Variants in SNX24 observed in about 807,000 individuals in gnomAD.
SNX24 encodes sorting nexin 24.
A neutral mutation model predicts 28.7 loss-of-function variants in SNX24; 22 were observed. The ratio of observed to expected loss-of-function variants is 0.77; its 90% CI spans 0.55 to 1.10. SNX24 has a LOEUF of 1.10. Ranked by LOEUF, SNX24 falls within the 50% of genes least tolerant of loss-of-function variation. The pLI is 0.00. For missense variants in SNX24, 221 were observed against 201.1 expected (o/e 1.10, Z -0.60); for synonymous variants, 69 against 71.5 (o/e 0.96, Z 0.18).
At position 123,029,291 on chromosome 5, in the gene SNX24, A is replaced by G. The variant is rs368477772; in HGVS notation, n.437A>G. The G allele has an allele frequency of 3.3e-4, 529 of 1,614,008 alleles. 1 individual carries two copies. Among genetic ancestry groups the G allele is most frequent in the Non-Finnish European group, 4.3e-4 (507 of 1,179,998 alleles). ...AAGAAGACCCAATTTAAAGGAAATA[A>G]AATTGAGACATACCTCTCCTGTTGC... On this transcript the variant is annotated non_coding_transcript_exon_variant, in exon 6 of 6. Transcript: ENST00000502387.
Position 122,996,956 on chromosome 5 carries a change from G to A in SNX24, c.250-2956G>A, listed in dbSNP as rs531733050. On this transcript the variant is annotated intron_variant, in intron 3 of 6. Transcript: ENST00000261369. ...CAGGGTACAGCTTCAAGAAGGGGTG[G>A]TTCCTTCAGAGCAAAAGCCTTTCAA... Among the ~76,000 whole-genome samples the A allele has an allele frequency of 6.6e-5, 10 of 152,268 alleles. No individual in the cohort carries two copies. In the South Asian group the frequency reaches 2.1e-3, roughly 32 times the overall value.
At chr5:122,922,678 G>A (rs1758490097) in intron 1 of SNX24, among the ~76,000 whole-genome samples, 1 of 152,098 alleles carries the variant, frequency 6.6e-6, no homozygotes, top group Non-Finnish European at 1.5e-5. Context: ...TCTCTGAGCA[G>A]TTTATTGAAA....
At chr5:123,005,973 GT>G (rs545404913) in intron 6 of SNX24, among the ~76,000 whole-genome samples, 30 of 152,298 alleles carry the variant, frequency 2.0e-4, no homozygotes, top group African/African-American at 7.0e-4. Context: ...CTAAGATATA[GT>G]TTGTGTGTTC....
intron 3 of SNX24, among the ~76,000 whole-genome samples, chr5:122,966,562 T>C (rs545661268): frequency 3.3e-5 from 5 of 152,354 alleles, no homozygotes; most frequent in Admixed American, 2.0e-4. Context: ...TGTTAGGCTG[T>C]AATTGACCCC....
intron 2 of SNX24, among the ~76,000 whole-genome samples, chr5:122,940,119 G>C (rs997134046): frequency 1.1e-4 from 16 of 151,554 alleles, no homozygotes; most frequent in Non-Finnish European, 1.8e-4. Context: ...TCAGCCTCCC[G>C]AGTAGCTGGG....
intron 3 of SNX24, among the ~76,000 whole-genome samples, chr5:122,964,502 A>C (rs1363291804): frequency 6.6e-6 from 1 of 152,044 alleles, no homozygotes; most frequent in South Asian, 2.1e-4. Context: ...TTTCTCGTGC[A>C]TGTTTATAAT....
chr5:122,966,660 A>T (rs76177355), intron 3 of SNX24, among the ~76,000 whole-genome samples: 2,039 of 152,320 alleles, frequency 0.013, 43 homozygotes, highest in African/African-American at 0.046. Flanking sequence ...GAAGATGTGG[A>T]TTCAGAGCCC....
At chr5:123,019,645 A>G (rs1199391126) in intron 5 of SNX24, among the ~76,000 whole-genome samples, 1 of 152,234 alleles carries the variant, frequency 6.6e-6, no homozygotes, top group Non-Finnish European at 1.5e-5. Context: ...AGAATACCAA[A>G]ATATTTTAAA....
At chr5:122,860,108 A>G (rs1388544596) in intron 1 of SNX24, among the ~76,000 whole-genome samples, 1 of 152,224 alleles carries the variant, frequency 6.6e-6, no homozygotes, top group African/African-American at 2.4e-5. Flanking sequence ...CAGATTCTTT[A>G]CAGATGCAAA....
intron 5 of SNX24, among the ~76,000 whole-genome samples, chr5:123,025,301 T>A (rs953634902): frequency 6.6e-6 from 1 of 152,146 alleles, no homozygotes; most frequent in South Asian, 2.1e-4. Flanking sequence ...AAATACAACA[T>A]CCCATTTACC....
chr5:122,891,990 G>A (rs1263888596), intron 1 of SNX24, among the ~76,000 whole-genome samples: 1 of 152,022 alleles, frequency 6.6e-6, no homozygotes, highest in East Asian at 1.9e-4. Flanking sequence ...AACATCGTGA[G>A]GACCTTCACA....
chr5:122,864,718 A>G lies in SNX24; in HGVS notation c.60+19025A>G, dbSNP rs148796359. Among the ~76,000 whole-genome samples the G allele has an allele frequency of 1.2e-3, 182 of 152,336 alleles. 1 individual carries two copies. The highest frequency in any genetic ancestry group is 3.9e-3 in the African/African-American group (164 of 41,584). On this transcript the variant is annotated intron_variant, in intron 1 of 6. Coordinates refer to ENST00000261369, the MANE Select transcript of SNX24 (RefSeq NM_014035.4). ...CGATGTGGGTGGTGCCAGCTGATCT[A>G]TCAAGTGCGGGGTCTGCAAAATATC... is the stretch of plus-strand genomic sequence containing the variant.
chr5:123,029,200 G>A (rs762679170), intron 5 of SNX24: 27 of 1,582,870 alleles, frequency 1.7e-5, no homozygotes, highest in Middle Eastern at 1.7e-4. Flanking sequence ...ATGTGGTAAG[G>A]TTCATCTGAC....
intron 1 of SNX24, among the ~76,000 whole-genome samples, chr5:122,893,314 T>C: frequency 6.6e-6 from 1 of 152,066 alleles, no homozygotes; most frequent in East Asian, 1.9e-4. Flanking sequence ...ATTTCTTATG[T>C]TTTGTCCAAT....
At chr5:122,921,926 A>G (rs576245438) in intron 1 of SNX24, among the ~76,000 whole-genome samples, 7 of 152,296 alleles carry the variant, frequency 4.6e-5, no homozygotes, top group Admixed American at 1.3e-4. Flanking sequence ...AACTAGCAGA[A>G]TCTCTTTGTT....
intron 1 of SNX24, among the ~76,000 whole-genome samples, chr5:122,880,743 A>G (rs892122229): frequency 1.3e-5 from 2 of 152,222 alleles, no homozygotes; most frequent in African/African-American, 4.8e-5. Flanking sequence ...ATAGAGTACA[A>G]TAGAAGGAGT....
At chr5:122,954,187 T>TTCTCTCTCTC (rs150039118) in intron 3 of SNX24, among the ~76,000 whole-genome samples, 1 of 144,394 alleles carries the variant, frequency 6.9e-6, no homozygotes. Context: ...GCAGTGAACT[T>TTCTCTCTCTC]TCTCTCTCTC....
intron 1 of SNX24, among the ~76,000 whole-genome samples, chr5:122,908,324 A>G (rs1215328767): frequency 6.6e-6 from 1 of 152,186 alleles, no homozygotes; most frequent in Non-Finnish European, 1.5e-5. Context: ...TAGAAACTTG[A>G]CAGCTCACCC....
chr5:122,934,995 G>A (rs376852023), intron 1 of SNX24, among the ~76,000 whole-genome samples: 2 of 152,042 alleles, frequency 1.3e-5, no homozygotes, highest in African/African-American at 4.8e-5. Flanking sequence ...GGCCTTCAAG[G>A]GGGGGCACTT....
Sources: allele counts gnomAD v4.1 joint callset (sites outside exome capture counted in the v4.1 genomes callset), GRCh38; gene constraint gnomAD v4.1.1; transcripts MANE v1.5; gene names NCBI Gene and HGNC (gene_info 2026-07-23, HGNC 2026-07-21).